The following SAMD13 variants were observed in gnomAD, a reference collection of about 807,000 sequenced individuals.
SAMD13 encodes sterile alpha motif domain-containing protein 13.
A neutral mutation model predicts 12.4 loss-of-function variants in SAMD13; 9 were observed. The observed-to-expected ratio is 0.72, with a 90% CI of 0.44 to 1.26. The LOEUF is 1.26. SAMD13 is among the 50% of genes most tolerant of loss of function. The pLI is 0.00. For missense variants in SAMD13, 84 were observed against 119.6 expected (o/e 0.70, Z 1.39); for synonymous variants, 46 against 45.4 (o/e 1.01, Z -0.05).
chr1:84,313,517 T>A (rs1678761717), intron 2 of SAMD13, among the ~76,000 whole-genome samples: 1 of 152,172 alleles, frequency 6.6e-6, no homozygotes, highest in Non-Finnish European at 1.5e-5. Context: ...CTTTTTCAGA[T>A]GAAAAATGTC....
At chr1:84,312,601 G>A (rs2101794154) in intron 2 of SAMD13, among the ~76,000 whole-genome samples, 1 of 152,114 alleles carries the variant, frequency 6.6e-6, no homozygotes, top group African/African-American at 2.4e-5. Context: ...ATCAATCTCT[G>A]ACACAAATCA....
intron 3 of SAMD13, among the ~76,000 whole-genome samples, chr1:84,326,231 C>T (rs1679057672): frequency 1.3e-5 from 2 of 152,092 alleles, no homozygotes; most frequent in Admixed American, 6.5e-5. Flanking sequence ...GATTGATAGT[C>T]GAATCCTGGT....
chr1:84,331,809 G>T (rs1679192767), intron 3 of SAMD13, among the ~76,000 whole-genome samples: 1 of 152,038 alleles, frequency 6.6e-6, no homozygotes, highest in Non-Finnish European at 1.5e-5. Flanking sequence ...TGTCACGGGG[G>T]TTTGAGGTAC....
chr1:84,344,968 C>A (rs1679506337), intron 3 of SAMD13: 1 of 456,738 alleles, frequency 2.2e-6, no homozygotes. Flanking sequence ...TCAGGATTCT[C>A]AGGTGATGAT....
intron 3 of SAMD13, among the ~76,000 whole-genome samples, chr1:84,347,852 A>G (rs170278): frequency 0.96 from 146,647 of 152,282 alleles, 70,722 homozygotes; most frequent in Non-Finnish European, 1. Flanking sequence ...TGCCTAAATA[A>G]GAAGCAAAGT....
At chr1:84,349,599 CAT>C in intron 3 of SAMD13, 30 bp from the exon 4 acceptor site, 1 of 1,606,032 alleles carries the variant, frequency 6.2e-7, no homozygotes, top group Non-Finnish European at 8.5e-7. Context: ...TTTGGACTCA[CAT>C]GTTGGCTTTA....
chr1:84,344,538 T>G (rs1679493201), intron 3 of SAMD13: 1 of 208,216 alleles, frequency 4.8e-6, no homozygotes, highest in East Asian at 1.2e-4. Context: ...CAGAAGATAC[T>G]TCATCCCAAG....
Position 84,349,799 on chromosome 1 carries a change from C to T in SAMD13, c.*25C>T. The T allele has an allele frequency of 6.3e-7, 1 of 1,586,398 alleles. No individual in the cohort carries two copies. The highest frequency in any genetic ancestry group is 8.6e-7 in the Non-Finnish European group (1 of 1,166,432). ...GTACAGTCAAATTGGGGTCTTCGACCTCAAAAAATACATAATGACATAATT... is the reference window on the plus strand; with the variant it reads ...GTACAGTCAAATTGGGGTCTTCGACTTCAAAAAATACATAATGACATAATT... On this transcript the variant is annotated 3_prime_UTR_variant, in exon 4 of 4. Coordinates refer to ENST00000394834, the MANE Select transcript of SAMD13 (RefSeq NM_001134663.2).
In SAMD13 at chr1:84,350,222, TC is replaced by T. The variant is rs1443957865; in HGVS notation, c.*450del. The T allele has an allele frequency of 6.5e-6, 1 of 153,178 alleles. No homozygotes were observed. Among genetic ancestry groups the T allele is most frequent in the African/African-American group, 2.4e-5 (1 of 41,470 alleles). 9.5% of individuals were successfully genotyped at this position (153,178 alleles called of 1,614,324 possible). On this transcript the variant is annotated 3_prime_UTR_variant, in exon 4 of 4. Transcript: ENST00000394834. ...TGCTGTCTCCCTTGAATTCCTCTGT[TC>T]CTTAGAGCTTGTGTTACTTGGACGG...
Position 84,350,473 on chromosome 1 carries a change from GTTCT to G in SAMD13, c.*702_*705del, listed in dbSNP as rs1477928057. ...TCTGCATAGATTTTCTTTTAAATTG[GTTCT>G]TTGTTTCTGAAGAAAGAATTTTTTT... On this transcript the variant is annotated 3_prime_UTR_variant, in exon 4 of 4. Coordinates refer to ENST00000394834, the MANE Select transcript of SAMD13 (RefSeq NM_001134663.2). 1 of 152,438 alleles carries G rather than the reference GTTCT, an allele frequency of 6.6e-6. No individual in the cohort carries two copies. Among genetic ancestry groups the G allele is most frequent in the African/African-American group, 2.4e-5 (1 of 41,404 alleles). 9.4% of individuals were successfully genotyped at this position (152,438 alleles called of 1,614,324 possible).
Position 84,324,418 on chromosome 1 carries a change from C to G in SAMD13, c.54-1219C>G, listed in dbSNP as rs540924252. Among the ~76,000 whole-genome samples, 46 of 152,294 alleles carry G rather than the reference C, an allele frequency of 3.0e-4. No homozygotes were observed. In the South Asian group the frequency reaches 9.3e-3, roughly 31 times the overall value. On this transcript the variant is annotated intron_variant, in intron 2 of 3. Transcript: ENST00000394834. The stretch of plus-strand genomic sequence containing the variant: ...TTTCTGGCTGTCTTTTAGATCGTAC[C>G]TGAAAAGAAACTCCCACGGGAAAGC...
intron 2 of SAMD13, among the ~76,000 whole-genome samples, chr1:84,306,064 G>T (rs1678564539): frequency 6.6e-6 from 1 of 152,000 alleles, no homozygotes; most frequent in Admixed American, 6.6e-5. Context: ...ATATCAATTT[G>T]AAGAGAGTTG....
intron 2 of SAMD13, among the ~76,000 whole-genome samples, chr1:84,324,026 A>C (rs1219968530): frequency 6.6e-6 from 1 of 152,080 alleles, no homozygotes; most frequent in African/African-American, 2.4e-5. Context: ...TACTCCCTCC[A>C]TTCTCTATGT....
At chr1:84,347,752 C>T (rs1000742804) in intron 3 of SAMD13, among the ~76,000 whole-genome samples, 6 of 152,142 alleles carry the variant, frequency 3.9e-5, no homozygotes, top group East Asian at 1.9e-4. Context: ...GTCTTCAGCA[C>T]GGCTACTGTG....
upstream of SAMD13, among the ~76,000 whole-genome samples, chr1:84,299,234 G>A (rs1572683642): frequency 6.6e-6 from 1 of 152,228 alleles, no homozygotes; most frequent in East Asian, 1.9e-4. Flanking sequence ...AGTCCTTTCT[G>A]CCTGGGGGAC....
At chr1:84,342,478 A>G (rs895453711) in intron 3 of SAMD13, among the ~76,000 whole-genome samples, 2 of 151,940 alleles carry the variant, frequency 1.3e-5, no homozygotes, top group African/African-American at 4.8e-5. Context: ...CACAGTAACC[A>G]AAACAGCATG....
intron 3 of SAMD13, chr1:84,344,872 A>G (rs1335150957): frequency 1.3e-5 from 6 of 456,674 alleles, no homozygotes; most frequent in South Asian, 6.2e-5. Context: ...TGAAATGAGT[A>G]TGACAAGTCC....
At chr1:84,339,527 G>T (rs954969700) in intron 3 of SAMD13, among the ~76,000 whole-genome samples, 1 of 152,130 alleles carries the variant, frequency 6.6e-6, no homozygotes, top group African/African-American at 2.4e-5. Context: ...TTGTTCTCTG[G>T]CCCCTTGTGG....
intron 3 of SAMD13, among the ~76,000 whole-genome samples, chr1:84,330,740 T>C (rs1380062272): frequency 2.0e-5 from 3 of 152,190 alleles, no homozygotes; most frequent in Non-Finnish European, 4.4e-5. Context: ...TCTGTTTGAC[T>C]CACATACTTA....
Sources: allele counts gnomAD v4.1 joint callset (sites outside exome capture counted in the v4.1 genomes callset), GRCh38; gene constraint gnomAD v4.1.1; transcripts MANE v1.5; gene names NCBI Gene and HGNC (gene_info 2026-07-23, HGNC 2026-07-21).